The following LOXHD1 variants were observed in gnomAD, a reference collection of about 807,000 sequenced individuals.
The protein encoded by LOXHD1 is lipoxygenase homology domain-containing protein 1.
LOXHD1 carries 205 observed loss-of-function variants against 248.2 expected under a neutral mutation model. That is an observed-to-expected ratio of 0.83 (90% confidence interval 0.74 to 0.93). The LOEUF is 0.93. Among genes scored for constraint, LOXHD1 ranks in the 40% least tolerant of loss-of-function variants. The pLI, the probability that LOXHD1 is intolerant of heterozygous loss-of-function variation, is 0.00. For missense variants in LOXHD1, 2,930 were observed against 2,971.6 expected, an observed-to-expected ratio of 0.99 and a Z score of 0.33; for synonymous variants, 1,113 against 1,162.8, an observed-to-expected ratio of 0.96 and a Z score of 0.87.
intron 34 of LOXHD1, among the ~76,000 whole-genome samples, chr18:46,517,362 A>G (rs1202348439): frequency 6.6e-6 from 1 of 152,190 alleles, no homozygotes; most frequent in African/African-American, 2.4e-5. Flanking sequence ...TTGCAGTGCC[A>G]CAGCTTAACG....
At chr18:46,643,486 C>T (rs2038989198) in intron 2 of LOXHD1, among the ~76,000 whole-genome samples, 1 of 152,204 alleles carries the variant, frequency 6.6e-6, no homozygotes, top group South Asian at 2.1e-4. Flanking sequence ...AGGAAAATAA[C>T]TTACCAGACC....
At chr18:46,565,210 G>A (rs1410794679) in intron 17 of LOXHD1, among the ~76,000 whole-genome samples, 1 of 151,702 alleles carries the variant, frequency 6.6e-6, no homozygotes, top group East Asian at 1.9e-4. Context: ...GCAGTGAGCT[G>A]AGATTGTGCC....
chr18:46,558,959 G>C, intron 20 of LOXHD1: 1 of 410,078 alleles, frequency 2.4e-6, no homozygotes, highest in East Asian at 7.2e-5. Flanking sequence ...TCAGCTGGAA[G>C]ACACACTGTC....
intron 4 of LOXHD1, among the ~76,000 whole-genome samples, chr18:46,628,198 C>T (rs1257070578): frequency 1.3e-5 from 2 of 152,190 alleles, no homozygotes; most frequent in Non-Finnish European, 2.9e-5. Flanking sequence ...AGATAAAGTC[C>T]CTTTTGGTCC....
At chr18:46,640,546 G>A (rs2038950380) in intron 3 of LOXHD1, among the ~76,000 whole-genome samples, 1 of 152,128 alleles carries the variant, frequency 6.6e-6, no homozygotes, top group Non-Finnish European at 1.5e-5. Context: ...CAAAGAAACT[G>A]GTAGAATTTT....
chr18:46,631,828 C>T (rs1457428490), intron 4 of LOXHD1, among the ~76,000 whole-genome samples: 4 of 152,186 alleles, frequency 2.6e-5, no homozygotes, highest in Non-Finnish European at 5.9e-5. Flanking sequence ...GTCGGCTGTC[C>T]GTGGTCTGGT....
In LOXHD1 at chr18:46,641,651, G is replaced by A. The variant is rs191824489; in HGVS notation, c.326+305C>T. On this transcript the variant is annotated intron_variant, in intron 3 of 40. Transcript: ENST00000642948. ...TGGCACAGCTAGTAAATAACAGAAC[G>A]GACACTTGAACCCAGGCACTCTGGA... Among the ~76,000 whole-genome samples, 223 of 152,226 alleles carry A rather than the reference G, an allele frequency of 1.5e-3. 2 individuals are homozygous for A. The highest frequency in any genetic ancestry group is 5.1e-3 in the African/African-American group (210 of 41,546).
At chr18:46,547,402 G>C (rs1021480168) in intron 21 of LOXHD1, among the ~76,000 whole-genome samples, 7 of 152,190 alleles carry the variant, frequency 4.6e-5, no homozygotes, top group African/African-American at 1.7e-4. Context: ...GAATGAATCT[G>C]CTAGCCAGGG....
chr18:46,560,003 C>T (rs1042942338), intron 19 of LOXHD1, 80 bp downstream of exon 19: 56 of 1,453,128 alleles, frequency 3.9e-5, no homozygotes, highest in Admixed American at 8.3e-5. Flanking sequence ...GGGATCTAGG[C>T]CCCCTGCCCC....
rs989544824 is a variant in LOXHD1 at position 46,624,443 on chromosome 18, G to T, written c.512-6153C>A. On this transcript the variant is annotated intron_variant, in intron 4 of 40. Transcript: ENST00000642948. ...GGTCCGCAGAACCCAAGGATGGGCAGGGGGGACAATGCCATGTGCCGGTGC... is the reference window on the plus strand; with the variant it reads ...GGTCCGCAGAACCCAAGGATGGGCATGGGGGACAATGCCATGTGCCGGTGC... 3.9e-5 allele frequency among the ~76,000 whole-genome samples: 6 copies of T among 152,332 alleles called. No individual in the cohort carries two copies. The South Asian group carries it at 1.2e-3, about 32-fold the overall frequency.
intron 11 of LOXHD1, 140 bp downstream of exon 11, chr18:46,592,358 A>G: frequency 2.6e-6 from 2 of 772,332 alleles, no homozygotes; most frequent in Non-Finnish European, 4.2e-6. Context: ...CCTGTATCCA[A>G]ATTCAGGTCT....
At chr18:46,562,868 G>T (rs376117456) in intron 18 of LOXHD1, among the ~76,000 whole-genome samples, 197 bp downstream of exon 18, 3 of 152,118 alleles carry the variant, frequency 2.0e-5, no homozygotes, top group East Asian at 3.9e-4. Flanking sequence ...GCCAGGGGTG[G>T]GAATCACTGA....
At chr18:46,506,289 T>A (rs1354739730) in intron 36 of LOXHD1, among the ~76,000 whole-genome samples, 1 of 152,226 alleles carries the variant, frequency 6.6e-6, no homozygotes, top group East Asian at 1.9e-4. Context: ...AGTACAAAAC[T>A]CATCTATTTC....
chr18:46,509,648 G>A (rs1328603845), intron 35 of LOXHD1, 50 bp downstream of exon 35: 3 of 1,339,208 alleles, frequency 2.2e-6, no homozygotes, highest in Non-Finnish European at 2.1e-6. Context: ...GGAACCAGGG[G>A]AAGGGGTGGG....
intron 17 of LOXHD1, 24 bp from the exon 18 acceptor site, chr18:46,563,249 G>A: frequency 6.8e-7 from 1 of 1,473,136 alleles, no homozygotes; most frequent in Non-Finnish European, 9.1e-7. Flanking sequence ...TGCAGAAGAA[G>A]TGGAACATTT....
intron 37 of LOXHD1, among the ~76,000 whole-genome samples, chr18:46,490,870 C>A (rs948814601): frequency 1.3e-5 from 2 of 152,198 alleles, no homozygotes; most frequent in Non-Finnish European, 2.9e-5. Flanking sequence ...TGCAAAATGG[C>A]TGCTTTCTGA....
chr18:46,605,297 C>T (rs1017943666), intron 6 of LOXHD1, among the ~76,000 whole-genome samples: 1 of 151,976 alleles, frequency 6.6e-6, no homozygotes, highest in South Asian at 2.1e-4. Flanking sequence ...GAGGCCGAGG[C>T]GGGAGGATCA....
chr18:46,534,476 A>G (rs2036217963), intron 26 of LOXHD1, 25 bp from the exon 27 acceptor site: 1 of 1,516,350 alleles, frequency 6.6e-7, no homozygotes, highest in Non-Finnish European at 9.0e-7. Context: ...TAAGGCACTG[A>G]ATGTTAGCTG....
intron 23 of LOXHD1, among the ~76,000 whole-genome samples, chr18:46,543,925 G>A (rs2144385208): frequency 6.6e-6 from 1 of 152,240 alleles, no homozygotes; most frequent in South Asian, 2.1e-4. Flanking sequence ...ATCTTCTCTG[G>A]ATGACAGAGG....
Sources: allele counts gnomAD v4.1 joint callset (sites outside exome capture counted in the v4.1 genomes callset), GRCh38; gene constraint gnomAD v4.1.1; transcripts MANE v1.5; gene names NCBI Gene and HGNC (gene_info 2026-07-23, HGNC 2026-07-21).